OSBPL6: variants seen among roughly 807,000 people sequenced by gnomAD.
OSBPL6 encodes the protein oxysterol binding protein like 6, also known as oxysterol-binding protein-related protein 6.
OSBPL6 carries 49 observed loss-of-function variants against 125.8 expected under a neutral mutation model. The ratio of observed to expected loss-of-function variants is 0.39; its 90% CI spans 0.31 to 0.49. The LOEUF (loss-of-function observed/expected upper bound fraction) is 0.49, where lower values mean the gene tolerates loss of function less well. OSBPL6 is among the 20% of genes least tolerant of loss of function. OSBPL6 has a pLI of 0.88. For missense variants in OSBPL6, 986 were observed against 1,135.4 expected (o/e 0.87, Z 1.89); for synonymous variants, 394 against 391.8 (o/e 1.01, Z -0.07).
intron 1 of OSBPL6, among the ~76,000 whole-genome samples, chr2:178,242,489 C>T (rs1016446477): frequency 1.3e-5 from 2 of 152,124 alleles, no homozygotes; most frequent in Admixed American, 6.5e-5. Context: ...GGCAGTCACA[C>T]GGGTGTTAAA....
At chr2:178,234,293 C>A (rs921526176) in intron 1 of OSBPL6, among the ~76,000 whole-genome samples, 58 of 152,252 alleles carry the variant, frequency 3.8e-4, no homozygotes, top group African/African-American at 1.3e-3. Flanking sequence ...AGGTTGTCAT[C>A]ATTAAATATT....
chr2:178,238,109 C>G (rs1445588358), intron 1 of OSBPL6, among the ~76,000 whole-genome samples: 1 of 152,210 alleles, frequency 6.6e-6, no homozygotes, highest in African/African-American at 2.4e-5. Flanking sequence ...GGGTCAGCTC[C>G]TATCTCCCTG....
chr2:178,320,775 T>C (rs894283783), intron 3 of OSBPL6, among the ~76,000 whole-genome samples: 2 of 152,238 alleles, frequency 1.3e-5, no homozygotes, highest in African/African-American at 4.8e-5. Flanking sequence ...AAGTAAGAGT[T>C]CTGTGATTAA....
At chr2:178,280,282 C>A (rs1037578852) in intron 1 of OSBPL6, among the ~76,000 whole-genome samples, 1 of 152,086 alleles carries the variant, frequency 6.6e-6, no homozygotes, top group Admixed American at 6.5e-5. Flanking sequence ...ATATATGTCA[C>A]CTAGAAATTT....
At chr2:178,218,637 T>TC (rs1309506326) in intron 1 of OSBPL6, among the ~76,000 whole-genome samples, 2 of 150,142 alleles carry the variant, frequency 1.3e-5, no homozygotes, top group Non-Finnish European at 3.0e-5. Context: ...TTCTTTCTTT[T>TC]TTTTTTTTTT....
In OSBPL6 at chr2:178,382,399, G is replaced by A. The variant is rs757295870; in HGVS notation, c.1534-21G>A. The A allele has an allele frequency of 5.7e-6, 9 of 1,575,974 alleles. No individual in the cohort carries two copies. The East Asian group carries it at 2.0e-4, about 36-fold the overall frequency. On this transcript the variant is annotated intron_variant, in intron 15 of 24. Coordinates refer to ENST00000190611, the MANE Select transcript of OSBPL6 (RefSeq NM_032523.4). ...AAACTGAACAAGAATTCTGATCCTT[G>A]TATGTTCTTCCCTTCCTTAGGCTTC... is the stretch of plus-strand genomic sequence containing the variant.
intron 13 of OSBPL6, among the ~76,000 whole-genome samples, chr2:178,369,190 A>C (rs1279806268): frequency 6.6e-6 from 1 of 152,226 alleles, no homozygotes; most frequent in African/African-American, 2.4e-5. Flanking sequence ...CAGGGTTTCA[A>C]CAATAAGAGA....
chr2:178,205,118 C>T (rs2089462071), intron 1 of OSBPL6, among the ~76,000 whole-genome samples: 1 of 152,108 alleles, frequency 6.6e-6, no homozygotes, highest in African/African-American at 2.4e-5. Flanking sequence ...AGATTTCAAA[C>T]CCAGTTTCCT....
At chr2:178,200,501 C>A (rs1410815233) in intron 1 of OSBPL6, among the ~76,000 whole-genome samples, 1 of 152,120 alleles carries the variant, frequency 6.6e-6, no homozygotes, top group Non-Finnish European at 1.5e-5. Flanking sequence ...CTCCTCCTAT[C>A]TTGGCCTCCC....
intron 1 of OSBPL6, among the ~76,000 whole-genome samples, chr2:178,222,370 C>T (rs1421987708): frequency 6.6e-6 from 1 of 152,180 alleles, no homozygotes; most frequent in African/African-American, 2.4e-5. Context: ...ATCGGCTGGG[C>T]GCGGTGGCTC....
chr2:178,372,559 G>A (rs969869560), intron 14 of OSBPL6, among the ~76,000 whole-genome samples: 14 of 117,598 alleles, frequency 1.2e-4, no homozygotes, highest in African/African-American at 2.0e-4. Context: ...TCAAATGGCC[G>A]GTGAAATGTT....
intron 1 of OSBPL6, among the ~76,000 whole-genome samples, chr2:178,259,884 C>T (rs961666424): frequency 2.6e-5 from 4 of 152,110 alleles, no homozygotes; most frequent in African/African-American, 7.2e-5. Context: ...CTCCCTTTGC[C>T]GCTTAAGCTT....
At chr2:178,294,473 A>G (rs191770128) in intron 2 of OSBPL6, among the ~76,000 whole-genome samples, 21 of 152,314 alleles carry the variant, frequency 1.4e-4, no homozygotes, top group Admixed American at 1.3e-3. Flanking sequence ...GAAAGGTACA[A>G]TTAAGCTACT....
Position 178,324,256 on chromosome 2 carries a change from T to C in OSBPL6, c.182T>C (p.Val61Ala). 1.3e-6 allele frequency: 2 copies of C among 1,569,042 alleles called. No homozygotes were observed. The highest frequency in any genetic ancestry group is 2.3e-5 in the East Asian group (1 of 43,760). The change falls in exon 4 of 25, where the codon GTC (valine) becomes GCC (alanine). Residue 61 changes from valine (V) to alanine (A), a missense_variant. Physicochemically the swap from Val to Ala is moderately conservative, Grantham distance 64. Coordinates refer to ENST00000190611, the MANE Select transcript of OSBPL6 (RefSeq NM_032523.4). ...CGGCAATTGCTAGAACCGGAGCCAG[T>C]CCCCCTCTCCAAGGTCAGTGATGAA... ...VSRQLLEPEP[V>A]PLSKEADSWE...
At chr2:178,249,018 C>A (rs938317306) in intron 1 of OSBPL6, among the ~76,000 whole-genome samples, 15 of 152,088 alleles carry the variant, frequency 9.9e-5, no homozygotes, top group African/African-American at 3.4e-4. Context: ...CTCACTGCAA[C>A]CTCCACCTCC....
rs751227589 is a variant in OSBPL6 at position 178,339,738 on chromosome 2, A to G, written c.961A>G (p.Ser321Gly). The G allele has an allele frequency of 1.9e-6, 3 of 1,605,650 alleles. No homozygotes were observed. The Admixed American group carries it at 5.1e-5, about 27-fold the overall frequency. ...VTRRWRTKSV[S>G]KDTKIQLQVP... is the part of the protein sequence containing the mutation. ...AAGACGATGGAGAACAAAAAGTGTCAGCAAAGATACAAAAATACAACTGCA... is the reference window on the plus strand; with the variant it reads ...AAGACGATGGAGAACAAAAAGTGTCGGCAAAGATACAAAAATACAACTGCA... The change falls in exon 11 of 25, where the codon AGC becomes GGC. Residue 321 changes from serine (S) to glycine (G), a missense_variant. By Grantham distance (56) the Ser-to-Gly change is moderately conservative (BLOSUM62 0). Transcript: ENST00000190611.
chr2:178,243,937 C>A (rs895167776), intron 1 of OSBPL6, among the ~76,000 whole-genome samples: 42 of 152,208 alleles, frequency 2.8e-4, no homozygotes, highest in South Asian at 2.1e-4. Context: ...AGGCGTGAGC[C>A]AACACGCCTG....
At chr2:178,321,464 A>T (rs1688240851) in intron 3 of OSBPL6, among the ~76,000 whole-genome samples, 1 of 152,256 alleles carries the variant, frequency 6.6e-6, no homozygotes, top group Non-Finnish European at 1.5e-5. Flanking sequence ...CATTTAAAAT[A>T]ACAAATTGCT....
At chr2:178,328,971 A>G (rs1195831871) in intron 5 of OSBPL6, among the ~76,000 whole-genome samples, 1 of 152,178 alleles carries the variant, frequency 6.6e-6, no homozygotes, top group Non-Finnish European at 1.5e-5. Flanking sequence ...TTCTCATTAA[A>G]TACTCTTTGA....
Sources: allele counts gnomAD v4.1 joint callset (sites outside exome capture counted in the v4.1 genomes callset), GRCh38; gene constraint gnomAD v4.1.1; transcripts MANE v1.5; gene names NCBI Gene and HGNC (gene_info 2026-07-23, HGNC 2026-07-21).